Variants in ALK observed in about 807,000 individuals in gnomAD.
The protein encoded by ALK is ALK tyrosine kinase receptor.
ALK carries 74 observed loss-of-function variants against 163.1 expected under a neutral mutation model. The observed-to-expected ratio is 0.45, with a 90% CI of 0.38 to 0.55. The LOEUF (loss-of-function observed/expected upper bound fraction) is 0.55. Ranked by LOEUF, ALK falls within the 20% of genes least tolerant of loss-of-function variation. The probability of loss-of-function intolerance (pLI) is 0.00; values close to 1 mark genes in which losing one functional copy is unlikely to be tolerated. For synonymous variants in ALK, 960 were observed against 843.2 expected (o/e 1.14, Z -2.40); for missense variants, 2,063 against 2,105.3 (o/e 0.98, Z 0.39).
At chr2:29,662,221 C>A (rs12612606) in intron 3 of ALK, among the ~76,000 whole-genome samples, 82,250 of 151,968 alleles carry the variant, frequency 0.54, 25,352 homozygotes, top group East Asian at 0.74. Flanking sequence ...CTATCAATAT[C>A]TTTTAATACA....
intron 3 of ALK, among the ~76,000 whole-genome samples, chr2:29,656,086 T>G (rs915878155): frequency 2.6e-5 from 4 of 151,736 alleles, no homozygotes; most frequent in Admixed American, 6.6e-5. Flanking sequence ...GTGATGGAAA[T>G]TTTTTTTCCT....
chr2:29,351,828 C>G (rs1041744785), intron 5 of ALK, among the ~76,000 whole-genome samples: 3 of 151,926 alleles, frequency 2.0e-5, no homozygotes, highest in African/African-American at 4.8e-5. Context: ...GAAGAAGCAC[C>G]AGAGAGAGAA....
At chr2:29,511,355 T>G (rs1298959168) in intron 4 of ALK, among the ~76,000 whole-genome samples, 2 of 152,190 alleles carry the variant, frequency 1.3e-5, no homozygotes, top group African/African-American at 2.4e-5. Context: ...TAGATTAGTT[T>G]GCATTTTCTG....
At chr2:29,913,297 T>C (rs73922369) in intron 1 of ALK, among the ~76,000 whole-genome samples, 6,708 of 152,216 alleles carry the variant, frequency 0.044, 287 homozygotes, top group East Asian at 0.18. Flanking sequence ...GAAAAATTCA[T>C]CACAAAATTT....
chr2:29,565,678 A>G (rs1674162310), intron 3 of ALK, among the ~76,000 whole-genome samples: 1 of 152,088 alleles, frequency 6.6e-6, no homozygotes, highest in Admixed American at 6.5e-5. Context: ...GCTTGTCACA[A>G]AGAAGAGCAG....
intron 4 of ALK, among the ~76,000 whole-genome samples, chr2:29,420,292 G>A (rs565093070): frequency 1.3e-5 from 2 of 151,520 alleles, no homozygotes; most frequent in African/African-American, 4.9e-5. Context: ...ACTAAAGCTA[G>A]TCAGTAGACA....
rs1383948379 is a variant in ALK at position 29,920,308 on chromosome 2, C to G, written c.352G>C (p.Ala118Pro). The G allele has an allele frequency of 1.3e-6, 2 of 1,560,040 alleles. No individual in the cohort carries two copies. The highest frequency in any genetic ancestry group is 1.7e-6 in the Non-Finnish European group (2 of 1,153,612). ...VSWTAGSPAP[A>P]EARTLSRVLK... ...ACCCTGGACAGCGTCCGGGCCTCTG[C>G]CGGGGCTGGTGAACCGGCGGTCCAG... The change falls in exon 1 of 29, where the codon GCA (alanine) becomes CCA (proline). Residue 118 changes from alanine to proline, a missense_variant. This residue lies in a region of ALK where 987 missense variants were observed against 939.5 expected (regional missense o/e 1.05). Coordinates refer to ENST00000389048, the MANE Select transcript of ALK (RefSeq NM_004304.5).
At chr2:29,369,334 G>GTGTGTA (rs369794496) in intron 5 of ALK, among the ~76,000 whole-genome samples, 10,440 of 151,914 alleles carry the variant, frequency 0.069, 446 homozygotes, top group Non-Finnish European at 0.1. Context: ...GTGTGTGTGT[G>GTGTGTA]TTGGTCTCCT....
chr2:29,789,880 T>C (rs1014784958), intron 1 of ALK, among the ~76,000 whole-genome samples: 2 of 152,208 alleles, frequency 1.3e-5, no homozygotes, highest in African/African-American at 4.8e-5. Flanking sequence ...TTTAGTAGCA[T>C]GGCCCCTCCA....
At chr2:29,665,504 A>G (rs1202694140) in intron 3 of ALK, among the ~76,000 whole-genome samples, 1 of 151,880 alleles carries the variant, frequency 6.6e-6, no homozygotes, top group South Asian at 2.1e-4. Context: ...TTTATCCTTT[A>G]TGCCTACCAT....
At chr2:29,402,560 A>G (rs1323497560) in intron 4 of ALK, among the ~76,000 whole-genome samples, 2 of 152,228 alleles carry the variant, frequency 1.3e-5, no homozygotes, top group Non-Finnish European at 2.9e-5. Flanking sequence ...TGCTTTGAAG[A>G]TACACCGTAT....
At chr2:29,407,071 C>A (rs78005245) in intron 4 of ALK, among the ~76,000 whole-genome samples, 1 of 152,174 alleles carries the variant, frequency 6.6e-6, no homozygotes, top group African/African-American at 2.4e-5. Context: ...ATGAAGTCCG[C>A]GTGCTGCATC....
intron 1 of ALK, among the ~76,000 whole-genome samples, chr2:29,732,770 G>T (rs758377851): frequency 4.3e-4 from 65 of 152,102 alleles, no homozygotes; most frequent in African/African-American, 1.2e-3. Flanking sequence ...CAGCAAGAAG[G>T]CACTGCTCGT....
intron 1 of ALK, among the ~76,000 whole-genome samples, chr2:29,887,440 T>G (rs1303001739): frequency 1.3e-5 from 2 of 152,160 alleles, no homozygotes. Context: ...CTGCACGACC[T>G]TTTCTGTCCT....
At chr2:29,479,858 A>G (rs1318924399) in intron 4 of ALK, among the ~76,000 whole-genome samples, 1 of 152,194 alleles carries the variant, frequency 6.6e-6, no homozygotes, top group Non-Finnish European at 1.5e-5. Context: ...GGTGGAAAGG[A>G]TAGGTTCAGA....
intron 3 of ALK, among the ~76,000 whole-genome samples, chr2:29,539,612 G>GTATTATAACTCT (rs74277527): frequency 6.6e-6 from 1 of 151,796 alleles, no homozygotes; most frequent in South Asian, 2.1e-4. Flanking sequence ...TTGAGCACAG[G>GTATTATAACTCT]GTAGATCATA....
rs1382855077 is a variant in ALK, at chr2:29,513,606, A to G, written c.1154+18309T>C. On this transcript the variant is annotated intron_variant, in intron 4 of 28. Coordinates refer to ENST00000389048, the MANE Select transcript of ALK (RefSeq NM_004304.5). ...AGGCACGGGCAAGGACTTCATGTCT[A>G]AAACACCAAAAGCAATGGCAACAAA... 3.9e-5 allele frequency among the ~76,000 whole-genome samples: 6 copies of G among 152,144 alleles called. No homozygotes were observed. In the East Asian group the frequency reaches 1.2e-3, roughly 29 times the overall value.
rs200563480 is a variant in ALK at position 29,232,388 on chromosome 2, C to T, written c.2548G>A (p.Gly850Arg). 5.0e-5 allele frequency: 81 copies of T among 1,614,134 alleles called. No homozygotes were observed. The highest frequency in any genetic ancestry group is 6.1e-5 in the Non-Finnish European group (72 of 1,180,054). The change falls in exon 15 of 29, where the codon GGG becomes AGG. Residue 850 changes from glycine to arginine, a missense_variant. This residue lies in a region of ALK where 575 missense variants were observed against 626.6 expected (regional missense o/e 0.92). Transcript: ENST00000389048. ...GGGTGGAACGTGTCTGTCTTGGCCC[C>T]GTAGGCCCTGCCACCACCTCCGGCT... ...IAAGGGGRAY[G>R]AKTDTFHPER...
chr2:29,265,459 G>A (rs1665198552), intron 11 of ALK, among the ~76,000 whole-genome samples: 1 of 152,138 alleles, frequency 6.6e-6, no homozygotes, highest in Non-Finnish European at 1.5e-5. Context: ...GCCAGCTGAG[G>A]GGAAAGAAAT....
Sources: gnomAD v4.1 joint callset for allele counts (sites outside exome capture counted in the v4.1 genomes callset) on GRCh38, gnomAD v4.1.1 for gene constraint, gnomAD v4.1.1 regional missense constraint, MANE v1.5 for transcripts, NCBI Gene and HGNC (gene_info 2026-07-23, HGNC 2026-07-21) for gene names.